ASTN2: variants seen among roughly 807,000 people sequenced by gnomAD.
ASTN2 encodes the protein astrotactin-2.
Under a neutral mutation model 139.8 loss-of-function variants are expected in ASTN2, and 54 were observed. The observed-to-expected ratio is 0.39, with a 90% CI of 0.31 to 0.48. The LOEUF (loss-of-function observed/expected upper bound fraction) is 0.48. ASTN2 is among the 20% of genes least tolerant of loss of function. The pLI, the probability that ASTN2 is intolerant of heterozygous loss-of-function variation, is 0.95. For missense variants in ASTN2, 1,565 were observed against 1,725.1 expected, an observed-to-expected ratio of 0.91 and a Z score of 1.64; for synonymous variants, 756 against 719.5, an observed-to-expected ratio of 1.05 and a Z score of -0.81.
intron 3 of ASTN2, among the ~76,000 whole-genome samples, chr9:117,155,047 G>A (rs922950724): frequency 6.6e-6 from 1 of 151,922 alleles, no homozygotes; most frequent in African/African-American, 2.4e-5. Flanking sequence ...AGAAGAGTGT[G>A]GAGGGAACAG....
chr9:117,080,175 T>G (rs1295327214), intron 5 of ASTN2, among the ~76,000 whole-genome samples: 1 of 152,246 alleles, frequency 6.6e-6, no homozygotes, highest in Non-Finnish European at 1.5e-5. Flanking sequence ...AATACATGCA[T>G]AATATATAAC....
chr9:117,412,411 C>G (rs1831193661), intron 1 of ASTN2, among the ~76,000 whole-genome samples: 1 of 152,150 alleles, frequency 6.6e-6, no homozygotes, highest in African/African-American at 2.4e-5. Flanking sequence ...GACTCTCAAG[C>G]AACACATGGG....
At chr9:116,735,389 C>T (rs1056790368) in intron 13 of ASTN2, among the ~76,000 whole-genome samples, 22 of 152,198 alleles carry the variant, frequency 1.4e-4, no homozygotes, top group South Asian at 4.1e-4. Flanking sequence ...GCATATAACC[C>T]TAGCCAGGAC....
intron 10 of ASTN2, 136 bp downstream of exon 10, chr9:116,975,072 C>A: frequency 1.2e-6 from 1 of 854,362 alleles, no homozygotes; most frequent in Non-Finnish European, 1.7e-6. Context: ...AGTTTAGGAG[C>A]ATGGCATATT....
At chr9:116,783,870 C>G (rs1830290294) in intron 13 of ASTN2, among the ~76,000 whole-genome samples, 1 of 152,126 alleles carries the variant, frequency 6.6e-6, no homozygotes. Flanking sequence ...AAATCCATCT[C>G]TAACTTACAG....
intron 10 of ASTN2, among the ~76,000 whole-genome samples, chr9:116,896,166 C>A (rs1413654109): frequency 6.6e-6 from 1 of 152,010 alleles, no homozygotes; most frequent in Non-Finnish European, 1.5e-5. Context: ...TGACCCAGAG[C>A]TAAGGAATGT....
At chr9:116,583,896 C>T (rs1854047900) in intron 19 of ASTN2, 1 of 152,178 alleles carries the variant, frequency 6.6e-6, no homozygotes, top group South Asian at 2.1e-4. Flanking sequence ...ATGGGAGAAA[C>T]TCTTGCCTGC....
chr9:117,336,431 T>G (rs1828885286), intron 1 of ASTN2, among the ~76,000 whole-genome samples: 1 of 152,142 alleles, frequency 6.6e-6, no homozygotes, highest in Non-Finnish European at 1.5e-5. Context: ...CCTGGAACCC[T>G]GAGGAATCAT....
At chr9:116,837,519 T>C (rs1445171128) in intron 11 of ASTN2, among the ~76,000 whole-genome samples, 1 of 152,200 alleles carries the variant, frequency 6.6e-6, no homozygotes, top group African/African-American at 2.4e-5. Flanking sequence ...GAACCTGCTC[T>C]TTGCTGCTTC....
At chr9:116,827,119 G>A (rs1302953811) in intron 11 of ASTN2, among the ~76,000 whole-genome samples, 1 of 151,928 alleles carries the variant, frequency 6.6e-6, no homozygotes, top group Admixed American at 6.6e-5. Flanking sequence ...AGACCAGCCT[G>A]AGCAACATGG....
At chr9:116,434,845 G>A (rs1024544066) in intron 22 of ASTN2, among the ~76,000 whole-genome samples, 1 of 152,172 alleles carries the variant, frequency 6.6e-6, no homozygotes, top group Admixed American at 6.5e-5. Flanking sequence ...GGCTCTGGGG[G>A]ACACTGGCCT....
chr9:116,902,378 T>C (rs1056827379), intron 10 of ASTN2, among the ~76,000 whole-genome samples: 10 of 152,222 alleles, frequency 6.6e-5, no homozygotes, highest in African/African-American at 2.4e-4. Flanking sequence ...AGCTGTACAA[T>C]GTGTTTGTGT....
chr9:117,194,246 T>C (rs1831430240), intron 3 of ASTN2, among the ~76,000 whole-genome samples: 3 of 152,154 alleles, frequency 2.0e-5, no homozygotes, highest in Admixed American at 1.3e-4. Flanking sequence ...CCTTGAATTA[T>C]CTTCATCCTT....
Position 117,060,493 on chromosome 9 carries a change from GAAAGAAAGAAAGAAAGA to G in ASTN2, c.1277-20545_1277-20529del, listed in dbSNP as rs1236953910. 1.5e-3 allele frequency among the ~76,000 whole-genome samples: 110 copies of G among 75,324 alleles called. 4 individuals carry two copies. The highest frequency in any genetic ancestry group is 6.4e-3 in the African/African-American group (104 of 16,300). 49.4% of individuals were successfully genotyped at this position (75,324 alleles called of 152,430 possible). A position where few individuals can be genotyped will look rare whatever the true frequency, so the allele number is the denominator to read the frequency against. On this transcript the variant is annotated intron_variant, in intron 5 of 22. Transcript: ENST00000313400. Reference sequence around the variant, plus strand: ...GGAAGGAAGGAAGGAAGGAATGAAAGAAAGAAAGAAAGAAAGAAAGGAAGGAAGGAAGGAAGGAAGGA... The same window carrying G: ...GGAAGGAAGGAAGGAAGGAATGAAAGAAGGAAGGAAGGAAGGAAGGAAGGA...
intron 10 of ASTN2, among the ~76,000 whole-genome samples, chr9:116,940,604 ATG>A (rs944620962): frequency 1.4e-4 from 21 of 152,372 alleles, no homozygotes; most frequent in African/African-American, 4.6e-4. Flanking sequence ...GTACACCCAT[ATG>A]TGTGTTTTAA....
intron 4 of ASTN2, among the ~76,000 whole-genome samples, chr9:117,110,067 T>C (rs1450760754): frequency 6.6e-6 from 1 of 152,218 alleles, no homozygotes; most frequent in Non-Finnish European, 1.5e-5. Context: ...GCCATTAAAA[T>C]GTTATGTATA....
chr9:116,639,758 AGAT>A (rs1564174717), intron 17 of ASTN2, among the ~76,000 whole-genome samples: 1 of 152,196 alleles, frequency 6.6e-6, no homozygotes, highest in Non-Finnish European at 1.5e-5. Flanking sequence ...ACAGGGCTTC[AGAT>A]GATGGCTGGC....
chr9:117,161,507 C>T (rs1830551749), intron 3 of ASTN2, among the ~76,000 whole-genome samples: 2 of 152,070 alleles, frequency 1.3e-5, no homozygotes, highest in South Asian at 4.1e-4. Context: ...AATTCTCCTG[C>T]CTCAGCCTCC....
At chr9:117,111,944 T>C (rs899476753) in intron 4 of ASTN2, among the ~76,000 whole-genome samples, 23 of 152,146 alleles carry the variant, frequency 1.5e-4, no homozygotes, top group African/African-American at 5.5e-4. Flanking sequence ...TTTAGCATGA[T>C]TGAAATATAA....
Sources: gnomAD v4.1 joint callset for allele counts (sites outside exome capture counted in the v4.1 genomes callset) on GRCh38, gnomAD v4.1.1 for gene constraint, MANE v1.5 for transcripts, NCBI Gene and HGNC (gene_info 2026-07-23, HGNC 2026-07-21) for gene names.